ZSCAN1: variants seen among roughly 807,000 people sequenced by gnomAD.
The protein encoded by ZSCAN1 is zinc finger and SCAN domain containing 1, also known as zinc finger and SCAN domain-containing protein 1.
In ZSCAN1, 23 loss-of-function variants were observed where a neutral mutation model predicts 23.8. The observed-to-expected ratio is 0.97, with a 90% CI of 0.70 to 1.37. The LOEUF is 1.37. Ranked by LOEUF, ZSCAN1 falls within the 40% of genes most tolerant of loss-of-function variation. The pLI is 0.00. For synonymous variants in ZSCAN1, 236 were observed against 232.3 expected (o/e 1.02, Z -0.15); for missense variants, 575 against 554.0 (o/e 1.04, Z -0.38).
At position 58,053,868 on chromosome 19, in the gene ZSCAN1, G is replaced by A; in HGVS notation, c.1044G>A (p.Arg348=). ...AGATCCACCTGCTGGAGCCACCGAG[G>A]AAGAAAGCCCCCCGGAGCAAGGGCC... ...HGKIHLLEPP[R]KKAPRSKGPR... Residue 348 remains arginine, a synonymous_variant, in exon 6 of 6, where the codon AGG becomes AGA. Coordinates refer to ENST00000282326, the MANE Select transcript of ZSCAN1 (RefSeq NM_182572.4). The surrounding 1 kb of genome is among the most constrained non-coding windows in gnomAD (Gnocchi z 5.8). 6.2e-7 allele frequency: 1 copy of A among 1,613,792 alleles called. No homozygotes were observed. Among genetic ancestry groups the A allele is most frequent in the African/African-American group, 1.3e-5 (1 of 75,068 alleles).
intron 2 of ZSCAN1, among the ~76,000 whole-genome samples, chr19:58,036,608 T>G (rs1018709686): frequency 6.6e-6 from 1 of 150,546 alleles, no homozygotes; most frequent in Non-Finnish European, 1.5e-5. Flanking sequence ...CTCCGCCTCC[T>G]GGGTTCAAGC....
Position 58,054,011 on chromosome 19 carries a change from T to C in ZSCAN1, c.1187T>C (p.Ile396Thr), listed in dbSNP as rs748448349. The C allele has an allele frequency of 1.9e-6, 3 of 1,553,902 alleles. No individual in the cohort carries two copies. The highest frequency in any genetic ancestry group is 1.2e-5 in the South Asian group (1 of 82,560). ...GKAFPWMVHL[I>T]DHQKLHTAHG... ...GCCTTCCCCTGGATGGTCCACCTCA[T>C]TGACCACCAGAAGCTCCACACGGCC... The change falls in exon 6 of 6, where the codon ATT (isoleucine) becomes ACT (threonine). Residue 396 changes from isoleucine to threonine, a missense_variant. By Grantham distance (89) the Ile-to-Thr change is moderately conservative (BLOSUM62 -1). Transcript: ENST00000282326. The surrounding 1 kb of genome is among the most constrained non-coding windows in gnomAD (Gnocchi z 4.2).
rs295349 is a variant in ZSCAN1 at position 58,047,876 on chromosome 19, C to T, written c.466-4614C>T. Among the ~76,000 whole-genome samples, 330 of 152,300 alleles carry T rather than the reference C, an allele frequency of 2.2e-3. 2 individuals are homozygous for T. Among genetic ancestry groups the T allele is most frequent in the Middle Eastern group, 0.017 (5 of 294 alleles). ...GCCTCCCTGCACTCGGCAGCATGGT[C>T]GGGCTGGCGAGGGCGTGGGCAGGCA... On this transcript the variant is annotated intron_variant, in intron 4 of 5. Transcript: ENST00000282326. This position sits in a 1 kb window ranked among gnomAD's most constrained non-coding sequence, Gnocchi z 4.9.
At position 58,053,749 on chromosome 19, in the gene ZSCAN1, G is replaced by T. The variant is rs372224557; in HGVS notation, c.925G>T (p.Glu309Ter). Residue 309 changes from glutamate to a stop codon, truncating the protein, a stop_gained, in exon 6 of 6, where the codon GAG becomes TAG. Transcript: ENST00000282326. LOFTEE classifies it low-confidence loss of function (END_TRUNC). The surrounding 1 kb of genome is among the most constrained non-coding windows in gnomAD (Gnocchi z 5.8). ...CTTCACCTGGGTCACCCACTTCATCGAGCACCAGAAGACCCATCGCGAGGA... is the reference window on the plus strand; with the variant it reads ...CTTCACCTGGGTCACCCACTTCATCTAGCACCAGAAGACCCATCGCGAGGA... ...MVFTWVTHFI[E>*]HQKTHREEGP... is the part of the protein sequence containing the mutation. 1.2e-6 allele frequency: 2 copies of T among 1,613,904 alleles called. No homozygotes were observed. Among genetic ancestry groups the T allele is most frequent in the Non-Finnish European group, 1.7e-6 (2 of 1,180,022 alleles).
chr19:58,042,128 A>ATT (rs200442067), intron 4 of ZSCAN1, among the ~76,000 whole-genome samples: 2 of 151,984 alleles, frequency 1.3e-5, no homozygotes, highest in African/African-American at 4.8e-5. Context: ...AAGTACATTG[A>ATT]TTTTTTTTAT....
In ZSCAN1 at chr19:58,053,838, T is replaced by C; in HGVS notation, c.1014T>C (p.His338=). The part of the protein sequence containing the change: ...VFLHNSVLTE[H]GKIHLLEPPR... The stretch of plus-strand genomic sequence containing the variant: ...TGCACAACTCCGTCCTCACTGAGCA[T>C]GGCAAGATCCACCTGCTGGAGCCAC... Residue 338 remains histidine (H), a synonymous_variant, in exon 6 of 6, where the codon CAT becomes CAC. Transcript: ENST00000282326. This position sits in a 1 kb window ranked among gnomAD's most constrained non-coding sequence, Gnocchi z 5.8. The C allele has an allele frequency of 1.2e-6, 2 of 1,614,040 alleles. No homozygotes were observed. The highest frequency in any genetic ancestry group is 1.7e-5 in the Admixed American group (1 of 60,018).
chr19:58,051,957 C>T (rs374977685), intron 4 of ZSCAN1, among the ~76,000 whole-genome samples: 2 of 152,230 alleles, frequency 1.3e-5, no homozygotes, highest in Non-Finnish European at 2.9e-5. Context: ...GGGCGGGACA[C>T]GGTTAGGTGC....
intron 4 of ZSCAN1, chr19:58,044,702 C>T: frequency 1.3e-6 from 1 of 766,582 alleles, no homozygotes; most frequent in Non-Finnish European, 2.3e-6. Flanking sequence ...TCTCAGCTTG[C>T]CAGCACCCTG....
chr19:58,055,884 T>G (rs1161571966), downstream of ZSCAN1, among the ~76,000 whole-genome samples: 1 of 152,170 alleles, frequency 6.6e-6, no homozygotes, highest in Non-Finnish European at 1.5e-5. Context: ...GTTCTCCAAT[T>G]GAGTTTGTCC....
In ZSCAN1 at chr19:58,049,187, G is replaced by T; in HGVS notation, c.466-3303G>T. 1 of 154,922 alleles carries T rather than the reference G, an allele frequency of 6.5e-6. No individual in the cohort carries two copies. Among genetic ancestry groups the T allele is most frequent in the South Asian group, 1.8e-4 (1 of 5,436 alleles). 9.6% of individuals were successfully genotyped at this position (154,922 alleles called of 1,614,324 possible). On this transcript the variant is annotated intron_variant, in intron 4 of 5. Transcript: ENST00000282326. This position sits in a 1 kb window ranked among gnomAD's most constrained non-coding sequence, Gnocchi z 4.5. ...TTTGGCTCTTTGCAGCAGGGGTGGG[G>T]GGTGATCCTATCAATTTGCCATCCA...
chr19:58,050,992 G>A (rs2073855606), intron 4 of ZSCAN1, among the ~76,000 whole-genome samples: 1 of 152,182 alleles, frequency 6.6e-6, no homozygotes, highest in Non-Finnish European at 1.5e-5. Context: ...GGCTCACCGG[G>A]GCTATGGGGA....
chr19:58,054,532 C>G lies in ZSCAN1; in HGVS notation c.*481C>G, dbSNP rs11667832. 6.4e-6 allele frequency: 1 copy of G among 157,478 alleles called. No homozygotes were observed. The highest frequency in any genetic ancestry group is 2.4e-5 in the African/African-American group (1 of 41,652). The allele number at this position is 157,478 out of a possible 1,614,324, so 9.8% of individuals were successfully genotyped here. A position where few individuals can be genotyped will look rare whatever the true frequency, so the allele number is the denominator to read the frequency against. ...CCTGCCAGCTTAGCCCCCTTGGAAC[C>G]TAACAGATAAACAGGGTTTTGTTTT... On this transcript the variant is annotated 3_prime_UTR_variant, in exon 6 of 6. Transcript: ENST00000282326. The surrounding 1 kb of genome is among the most constrained non-coding windows in gnomAD (Gnocchi z 4.2).
chr19:58,051,078 G>C (rs965814873), intron 4 of ZSCAN1, among the ~76,000 whole-genome samples: 1 of 152,174 alleles, frequency 6.6e-6, no homozygotes, highest in Admixed American at 6.5e-5. Context: ...TGTGTCGATA[G>C]CTCCTCTGAT....
Position 58,038,142 on chromosome 19 carries a change from C to T in ZSCAN1, c.306C>T (p.Gly102=). Residue 102 remains glycine (G), a synonymous_variant, in exon 3 of 6, where the codon GGC becomes GGT. Transcript: ENST00000282326. The stretch of plus-strand genomic sequence containing the variant: ...TGCGGACCTGGGTGCAGTCACAGGG[C>T]CCCCGAAGCTGCAGGGAGGCCGCCA... ...SKMRTWVQSQ[G]PRSCREAASL... is the part of the protein sequence containing the mutation. The T allele has an allele frequency of 1.2e-6, 2 of 1,609,198 alleles. No homozygotes were observed. The highest frequency in any genetic ancestry group is 1.1e-5 in the South Asian group (1 of 90,784).
intron 4 of ZSCAN1, chr19:58,046,560 C>T (rs1280841237): frequency 1.2e-6 from 1 of 868,444 alleles, no homozygotes; most frequent in Non-Finnish European, 2.0e-6. Context: ...TTCCCAAAAG[C>T]AAGCTCACCA....
chr19:58,052,445 C>T (rs183772675), intron 4 of ZSCAN1, 45 bp from the exon 5 acceptor site: 56 of 1,612,782 alleles, frequency 3.5e-5, no homozygotes, highest in Non-Finnish European at 4.7e-5. Flanking sequence ...GGGAGGATGG[C>T]TCCTGAGGGG....
chr19:58,035,721 T>C (rs1414352405), intron 1 of ZSCAN1, among the ~76,000 whole-genome samples: 5 of 152,256 alleles, frequency 3.3e-5, no homozygotes, highest in Admixed American at 2.6e-4. Context: ...CCGGGTACGC[T>C]GACTCGAAGA....
rs1368842408 is a variant in ZSCAN1, at chr19:58,049,817, G to A, written c.466-2673G>A. On this transcript the variant is annotated intron_variant, in intron 4 of 5. Transcript: ENST00000282326. This position sits in a 1 kb window ranked among gnomAD's most constrained non-coding sequence, Gnocchi z 4.5. ...GGTTCCCACCGCGTAGCTGATACTC[G>A]TGGCCCCTGCTTTTCTTCTTTGTGC... Among the ~76,000 whole-genome samples, 1 of 152,300 alleles carries A rather than the reference G, an allele frequency of 6.6e-6. No homozygotes were observed. Among genetic ancestry groups the A allele is most frequent in the Admixed American group, 6.5e-5 (1 of 15,300 alleles).
chr19:58,046,120 C>G lies in ZSCAN1; in HGVS notation c.465+5576C>G. On this transcript the variant is annotated intron_variant, in intron 4 of 5. Transcript: ENST00000282326. ...CCAGCCAGAAGTGCCTGACACTGTCCTGCAGTCAGAGACCATGAAGGACAC... is the reference window on the plus strand; with the variant it reads ...CCAGCCAGAAGTGCCTGACACTGTCGTGCAGTCAGAGACCATGAAGGACAC... 3 of 702,318 alleles carry G rather than the reference C, an allele frequency of 4.3e-6. No homozygotes were observed. In the South Asian group the frequency reaches 5.0e-5, roughly 12 times the overall value. 43.5% of individuals were successfully genotyped at this position (702,318 alleles called of 1,614,324 possible). A position where few individuals can be genotyped will look rare whatever the true frequency, so the allele number is the denominator to read the frequency against.
Sources: allele counts gnomAD v4.1 joint callset (sites outside exome capture counted in the v4.1 genomes callset), GRCh38; gene constraint gnomAD v4.1.1; non-coding constraint Gnocchi (gnomAD v3.1); transcripts MANE v1.5; gene names NCBI Gene and HGNC (gene_info 2026-07-23, HGNC 2026-07-21).